The following DPP10 variants were observed in gnomAD, a reference collection of about 807,000 sequenced individuals.
DPP10 encodes inactive dipeptidyl peptidase 10.
DPP10 carries 33 observed loss-of-function variants against 120.9 expected under a neutral mutation model. The observed-to-expected ratio is 0.27, with a 90% CI of 0.21 to 0.37. The LOEUF (loss-of-function observed/expected upper bound fraction) is 0.37. Among genes scored for constraint, DPP10 ranks in the 10% least tolerant of loss-of-function variants. DPP10 has a pLI of 1.00. For synonymous variants in DPP10, 337 were observed against 326.1 expected (o/e 1.03, Z -0.36); for missense variants, 816 against 942.8 (o/e 0.87, Z 1.76).
intron 3 of DPP10, among the ~76,000 whole-genome samples, chr2:115,354,128 T>C (rs1435183641): frequency 6.6e-6 from 1 of 152,148 alleles, no homozygotes; most frequent in Admixed American, 6.6e-5. Flanking sequence ...ACTTAGGACA[T>C]ATTTTCATTT....
At chr2:115,799,812 A>G (rs988771650) in intron 19 of DPP10, among the ~76,000 whole-genome samples, 2 of 151,434 alleles carry the variant, frequency 1.3e-5, no homozygotes, top group African/African-American at 4.9e-5. Flanking sequence ...TATGTGCCAC[A>G]TTTTCTTAAT....
rs1040768256 is a variant in DPP10, at chr2:114,791,831, C to T, written c.60+348993C>T. 3.3e-5 allele frequency among the ~76,000 whole-genome samples: 5 copies of T among 152,254 alleles called. 1 individual carries two copies. The Middle Eastern group carries it at 0.017, about 518-fold the overall frequency. ...GCATATTTAATGGAAAATGCAAACA[C>T]GTTTAGCATTATGACTATGATTTAG... On this transcript the variant is annotated intron_variant, in intron 1 of 25. Transcript: ENST00000410059.
intron 1 of DPP10, among the ~76,000 whole-genome samples, chr2:114,808,828 T>G (rs1684953632): frequency 6.6e-6 from 1 of 152,186 alleles, no homozygotes. Context: ...AGGACTTGTG[T>G]GACCACCAAT....
At chr2:115,048,119 T>C (rs113096713) in intron 1 of DPP10, among the ~76,000 whole-genome samples, 2,646 of 152,242 alleles carry the variant, frequency 0.017, 62 homozygotes, top group African/African-American at 0.051. Flanking sequence ...GTCCATTATA[T>C]TGGATACAGT....
chr2:115,686,251 G>A (rs2090983474), intron 5 of DPP10, among the ~76,000 whole-genome samples: 1 of 152,026 alleles, frequency 6.6e-6, no homozygotes, highest in African/African-American at 2.4e-5. Flanking sequence ...GTCTTCCTTA[G>A]TGCAAGAATG....
intron 1 of DPP10, among the ~76,000 whole-genome samples, chr2:114,777,892 A>G (rs1483388464): frequency 1.3e-5 from 2 of 152,088 alleles, no homozygotes; most frequent in African/African-American, 4.8e-5. Flanking sequence ...CATATCCGCA[A>G]TTTTATGACA....
chr2:115,587,642 TAGTGTC>T (rs2082380822), intron 5 of DPP10, among the ~76,000 whole-genome samples: 1 of 152,186 alleles, frequency 6.6e-6, no homozygotes, highest in African/African-American at 2.4e-5. Context: ...GAAACAAGAT[TAGTGTC>T]CACTGATGGA....
intron 1 of DPP10, among the ~76,000 whole-genome samples, chr2:114,570,334 AT>A (rs1469826026): frequency 6.6e-6 from 1 of 152,176 alleles, no homozygotes; most frequent in Non-Finnish European, 1.5e-5. Flanking sequence ...TCACTCAAAG[AT>A]AAATGGGAAA....
intron 3 of DPP10, among the ~76,000 whole-genome samples, chr2:115,455,215 G>C (rs2073428311): frequency 6.6e-6 from 1 of 151,846 alleles, no homozygotes; most frequent in Non-Finnish European, 1.5e-5. Flanking sequence ...TCCATACTGT[G>C]AAGATGGCAA....
intron 2 of DPP10, among the ~76,000 whole-genome samples, chr2:115,310,727 T>C (rs2061542843): frequency 6.6e-6 from 1 of 152,196 alleles, no homozygotes; most frequent in African/African-American, 2.4e-5. Flanking sequence ...GAATCATTGT[T>C]ACAGGAAGAT....
At chr2:114,461,639 T>G (rs1678923207) in intron 1 of DPP10, 2 of 985,358 alleles carry the variant, frequency 2.0e-6, no homozygotes, top group African/African-American at 1.7e-5. Flanking sequence ...AGGGTAATAT[T>G]TTGCTGGTGT....
At chr2:115,012,901 C>T (rs1702366391) in intron 1 of DPP10, among the ~76,000 whole-genome samples, 2 of 152,136 alleles carry the variant, frequency 1.3e-5, no homozygotes, top group Non-Finnish European at 2.9e-5. Context: ...CAAAATCAAA[C>T]TTAAATCAAA....
intron 19 of DPP10, among the ~76,000 whole-genome samples, chr2:115,804,587 G>A (rs1435686088): frequency 1.3e-5 from 2 of 152,268 alleles, no homozygotes; most frequent in East Asian, 3.9e-4. Context: ...CCTTGATGAT[G>A]GTGATGTACA....
At chr2:114,853,626 C>T (rs1464837950) in intron 1 of DPP10, among the ~76,000 whole-genome samples, 1 of 152,108 alleles carries the variant, frequency 6.6e-6, no homozygotes, top group African/African-American at 2.4e-5. Flanking sequence ...TTGTGACTTG[C>T]TTTTTTTATT....
At chr2:114,488,806 C>T (rs1681738027) in intron 1 of DPP10, among the ~76,000 whole-genome samples, 1 of 152,214 alleles carries the variant, frequency 6.6e-6, no homozygotes, top group Admixed American at 6.5e-5. Flanking sequence ...AGTCCCAGCC[C>T]TGGCCCAGAT....
intron 1 of DPP10, among the ~76,000 whole-genome samples, chr2:115,093,890 C>T (rs1709494858): frequency 6.6e-6 from 1 of 151,974 alleles, no homozygotes; most frequent in Non-Finnish European, 1.5e-5. Flanking sequence ...CTTTAATCCC[C>T]CTCTTTTTAA....
At chr2:115,827,273 A>G (rs559774324) in intron 21 of DPP10, among the ~76,000 whole-genome samples, 11 of 150,302 alleles carry the variant, frequency 7.3e-5, no homozygotes, top group Non-Finnish European at 1.5e-4. Context: ...GTATTTATGT[A>G]TGTATACACA....
intron 1 of DPP10, among the ~76,000 whole-genome samples, chr2:114,572,291 GT>G (rs1164612225): frequency 6.6e-6 from 1 of 152,076 alleles, no homozygotes; most frequent in East Asian, 1.9e-4. Context: ...AGAATGTAAG[GT>G]GTTACCTAGA....
chr2:114,593,471 G>A (rs1277854960), intron 1 of DPP10, among the ~76,000 whole-genome samples: 2 of 152,144 alleles, frequency 1.3e-5, no homozygotes, highest in African/African-American at 2.4e-5. Context: ...GCACTAACGC[G>A]TGTCTCTGAA....
Sources: allele counts gnomAD v4.1 joint callset (sites outside exome capture counted in the v4.1 genomes callset), GRCh38; gene constraint gnomAD v4.1.1; transcripts MANE v1.5; gene names NCBI Gene and HGNC (gene_info 2026-07-23, HGNC 2026-07-21).